The following TENM4 variants were observed in gnomAD, a reference collection of about 807,000 sequenced individuals.
TENM4 encodes the protein teneurin-4.
Under a neutral mutation model 243.3 loss-of-function variants are expected in TENM4, and 82 were observed. The observed-to-expected ratio is 0.34, with a 90% confidence interval of 0.28 to 0.40. The LOEUF (loss-of-function observed/expected upper bound fraction) is 0.40, where lower values mean the gene tolerates loss of function less well. Ranked by LOEUF, TENM4 falls within the 10% of genes least tolerant of loss-of-function variation. TENM4 has a pLI of 1.00. For synonymous variants in TENM4, 1,412 were observed against 1,456.3 expected, an observed-to-expected ratio of 0.97 and a Z score of 0.69; for missense variants, 3,138 against 3,673.3, an observed-to-expected ratio of 0.85 and a Z score of 3.77.
chr11:79,061,965 ATTTTT>A (rs10647135), intron 6 of TENM4, among the ~76,000 whole-genome samples: 5 of 143,290 alleles, frequency 3.5e-5, no homozygotes, highest in African/African-American at 1.3e-4. Flanking sequence ...GGTGGCAACT[ATTTTT>A]TTTTTTTTTT....
At chr11:78,927,160 T>C (rs1320732346) in intron 6 of TENM4, among the ~76,000 whole-genome samples, 1 of 152,226 alleles carries the variant, frequency 6.6e-6, no homozygotes, top group East Asian at 1.9e-4. Flanking sequence ...AATAATTTGC[T>C]TGCATGCATT....
At chr11:79,249,751 G>C (rs1415804783) in intron 2 of TENM4, among the ~76,000 whole-genome samples, 1 of 152,152 alleles carries the variant, frequency 6.6e-6, no homozygotes, top group East Asian at 1.9e-4. Context: ...GTGGCCTTGG[G>C]ATTTATCTAA....
chr11:78,944,934 G>A (rs577486424), intron 6 of TENM4, among the ~76,000 whole-genome samples: 19 of 152,194 alleles, frequency 1.2e-4, no homozygotes, highest in Admixed American at 5.2e-4. Flanking sequence ...AGCTTCTCCC[G>A]CCCTTCTACT....
At position 78,670,354 on chromosome 11, in the gene TENM4, G is replaced by A. The variant is rs1858290593; in HGVS notation, c.5991C>T (p.His1997=). ...TGCCCAGGTAGAAGGTGTGAAGGAG[G>A]TGCCCATCCTCAGTGAAGTCCTGTA... The part of the protein sequence containing the change: ...SVIQDFTEDG[H]LLHTFYLGTG... The change falls in exon 32 of 34, where the codon CAC becomes CAT. Residue 1997 remains histidine, a synonymous_variant. Transcript: ENST00000278550. The A allele has an allele frequency of 1.9e-6, 3 of 1,613,866 alleles. No homozygotes were observed. The South Asian group carries it at 3.3e-5, about 18-fold the overall frequency.
At chr11:78,730,627 A>G (rs1728576413) in intron 21 of TENM4, among the ~76,000 whole-genome samples, 1 of 152,264 alleles carries the variant, frequency 6.6e-6, no homozygotes, top group South Asian at 2.1e-4. Context: ...CCAAGCAGAC[A>G]GCAAAAGCAG....
rs187353728 is a variant in TENM4 at position 78,805,204 on chromosome 11, C to T, written c.2179+88G>A. On this transcript the variant is annotated intron_variant, in intron 15 of 33. Coordinates refer to ENST00000278550, the MANE Select transcript of TENM4 (RefSeq NM_001098816.3). ...CAGAGGCACGGGGAATGCATTGCTA[C>T]GTGATTGGGAACAGTCACGTGATTG... The T allele has an allele frequency of 4.0e-4, 255 of 638,788 alleles. 2 individuals carry two copies. In the African/African-American group the frequency reaches 6.0e-3, roughly 15 times the overall value. The allele number at this position is 638,788 out of a possible 1,614,324, so 39.6% of individuals were successfully genotyped here.
intron 6 of TENM4, among the ~76,000 whole-genome samples, chr11:79,017,285 G>C (rs1034319188): frequency 2.6e-5 from 4 of 152,150 alleles, no homozygotes; most frequent in African/African-American, 9.7e-5. Flanking sequence ...GCGGAGGCTG[G>C]AGGAAGTGGG....
chr11:79,428,839 T>C (rs1370111084), intron 1 of TENM4, among the ~76,000 whole-genome samples: 1 of 152,234 alleles, frequency 6.6e-6, no homozygotes, highest in Admixed American at 6.5e-5. Flanking sequence ...GATCCCTTTA[T>C]GCTGCTTTGA....
At chr11:79,293,941 C>G (rs1856400487) in intron 2 of TENM4, among the ~76,000 whole-genome samples, 1 of 152,214 alleles carries the variant, frequency 6.6e-6, no homozygotes, top group Non-Finnish European at 1.5e-5. Flanking sequence ...AGGTTCTGAG[C>G]TCTCCCAGGC....
intron 4 of TENM4, among the ~76,000 whole-genome samples, chr11:79,086,825 C>T (rs973391695): frequency 4.2e-5 from 5 of 119,558 alleles, no homozygotes; most frequent in African/African-American, 1.7e-4. Context: ...CAGAGCAAGA[C>T]TCTGTCTCGC....
chr11:78,957,585 G>T (rs1208228378), intron 6 of TENM4, among the ~76,000 whole-genome samples: 1 of 152,198 alleles, frequency 6.6e-6, no homozygotes, highest in East Asian at 1.9e-4. Context: ...TCCTCCACTG[G>T]ATTGGTAGTC....
chr11:78,883,136 C>A (rs1855472124), intron 9 of TENM4, among the ~76,000 whole-genome samples: 1 of 152,222 alleles, frequency 6.6e-6, no homozygotes, highest in East Asian at 1.9e-4. Flanking sequence ...CGGGTAACAA[C>A]CATCTCCCAA....
At chr11:79,361,331 A>AGTTCTC (rs1185457483) in intron 1 of TENM4, among the ~76,000 whole-genome samples, 1 of 152,220 alleles carries the variant, frequency 6.6e-6, no homozygotes, top group Non-Finnish European at 1.5e-5. Flanking sequence ...AGCCTCAAAT[A>AGTTCTC]CAGTTCTCTG....
At chr11:79,046,388 C>T (rs530999456) in intron 6 of TENM4, among the ~76,000 whole-genome samples, 1 of 152,222 alleles carries the variant, frequency 6.6e-6, no homozygotes, top group Non-Finnish European at 1.5e-5. Flanking sequence ...TTAAAAGAGC[C>T]TGTCATAGTG....
At position 79,127,167 on chromosome 11, in the gene TENM4, G is replaced by A. The variant is rs562228078; in HGVS notation, c.-66+21543C>T. Among the ~76,000 whole-genome samples the A allele has an allele frequency of 3.3e-5, 5 of 152,274 alleles. No homozygotes were observed. In the South Asian group the frequency reaches 1.0e-3, roughly 32 times the overall value. On this transcript the variant is annotated intron_variant, in intron 4 of 33. Transcript: ENST00000278550. Reference sequence around the variant, plus strand: ...TTGGCTCCCTGACTGGTAGTGTGAGGGCTATTATGGTAGGAAAGGCCAAAT... The same window carrying A: ...TTGGCTCCCTGACTGGTAGTGTGAGAGCTATTATGGTAGGAAAGGCCAAAT...
intron 4 of TENM4, among the ~76,000 whole-genome samples, chr11:79,130,342 C>G (rs1242495415): frequency 6.6e-6 from 1 of 152,070 alleles, no homozygotes; most frequent in Non-Finnish European, 1.5e-5. Flanking sequence ...TAACACCCCC[C>G]AAAAATCACA....
At chr11:79,158,590 G>T (rs1233375428) in intron 3 of TENM4, among the ~76,000 whole-genome samples, 1 of 152,198 alleles carries the variant, frequency 6.6e-6, no homozygotes, top group Non-Finnish European at 1.5e-5. Context: ...TCTCATGAAG[G>T]AATGGGGAAG....
At chr11:79,261,826 T>C (rs1373683116) in intron 2 of TENM4, among the ~76,000 whole-genome samples, 1 of 152,118 alleles carries the variant, frequency 6.6e-6, no homozygotes, top group Non-Finnish European at 1.5e-5. Context: ...CAGAGACAAA[T>C]ACTGGGGCAG....
chr11:79,274,703 TG>T (rs964103510), intron 2 of TENM4, among the ~76,000 whole-genome samples: 12 of 151,900 alleles, frequency 7.9e-5, no homozygotes, highest in African/African-American at 2.9e-4. Context: ...TGTTATAAAT[TG>T]GGGGGGAAAA....
Sources: allele counts gnomAD v4.1 joint callset (sites outside exome capture counted in the v4.1 genomes callset), GRCh38; gene constraint gnomAD v4.1.1; transcripts MANE v1.5; gene names NCBI Gene and HGNC (gene_info 2026-07-23, HGNC 2026-07-21).